Variants in BCL7C observed in about 807,000 individuals in gnomAD.
BCL7C encodes BAF chromatin remodeling complex subunit BCL7C.
In BCL7C, 8 loss-of-function variants were observed where a neutral mutation model predicts 26.2. The observed-to-expected ratio is 0.30, with a 90% CI of 0.18 to 0.55. The LOEUF (loss-of-function observed/expected upper bound fraction) is 0.55, where lower values mean the gene tolerates loss of function less well. Among genes scored for constraint, BCL7C ranks in the 20% least tolerant of loss-of-function variants. BCL7C has a pLI of 0.93. For missense variants in BCL7C, 262 were observed against 298.5 expected (o/e 0.88, Z 0.90); for synonymous variants, 90 against 116.5 (o/e 0.77, Z 1.47).
At chr16:30,876,574 G>C (rs927683381) in intron 5 of BCL7C, among the ~76,000 whole-genome samples, 1 of 152,166 alleles carries the variant, frequency 6.6e-6, no homozygotes, top group Non-Finnish European at 1.5e-5. Flanking sequence ...CCTTATTCTA[G>C]CAGGGGAAGT....
At chr16:30,870,599 C>T (rs1385832665) in intron 5 of BCL7C, among the ~76,000 whole-genome samples, 1 of 152,086 alleles carries the variant, frequency 6.6e-6, no homozygotes. Flanking sequence ...CGCTTGAGCC[C>T]AGGAGTTGGA....
At position 30,850,708 on chromosome 16, in the gene BCL7C, C is replaced by T. The variant is rs151044157; in HGVS notation, c.529-15560G>A. Among the ~76,000 whole-genome samples the T allele has an allele frequency of 1.2e-3, 188 of 152,228 alleles. 1 individual carries two copies. Among genetic ancestry groups the T allele is most frequent in the Middle Eastern group, 6.8e-3 (2 of 294 alleles). On this transcript the variant is annotated intron_variant, in intron 5 of 5. Coordinates refer to the BCL7C transcript ENST00000380317. ...AATGATATGCCACACTGGTATACCA[C>T]GGTATGCCATGGTAAGTACCAGGGC...
At chr16:30,842,628 G>A (rs1310219289) in intron 5 of BCL7C, among the ~76,000 whole-genome samples, 1 of 152,168 alleles carries the variant, frequency 6.6e-6, no homozygotes, top group African/African-American at 2.4e-5. Flanking sequence ...GAGTGCAGTG[G>A]TGCGATCTCA....
chr16:30,850,413 T>C (rs1407999190), intron 5 of BCL7C, among the ~76,000 whole-genome samples: 1 of 152,114 alleles, frequency 6.6e-6, no homozygotes, highest in Admixed American at 6.6e-5. Context: ...TGCTTAACAA[T>C]GGGGATACAT....
intron 5 of BCL7C, among the ~76,000 whole-genome samples, chr16:30,853,426 C>T (rs941359445): frequency 2.0e-5 from 3 of 152,172 alleles, no homozygotes; most frequent in African/African-American, 4.8e-5. Context: ...ATGGAGCTGT[C>T]ATCTCCTATG....
intron 5 of BCL7C, chr16:30,888,615 G>A (rs556229572): frequency 1.0e-3 from 334 of 335,206 alleles, no homozygotes; most frequent in Non-Finnish European, 1.6e-3. Context: ...GATTACAGGC[G>A]TGAGCCACCA....
At chr16:30,885,253 T>C (rs138261473), downstream of BCL7C, among the ~76,000 whole-genome samples, 62 of 152,130 alleles carry the variant, frequency 4.1e-4, no homozygotes, top group African/African-American at 1.4e-3. Flanking sequence ...TGGAGAGAGA[T>C]TGGAAGATGC....
chr16:30,842,640 C>T (rs2151360037), intron 5 of BCL7C, among the ~76,000 whole-genome samples: 1 of 152,354 alleles, frequency 6.6e-6, no homozygotes, highest in African/African-American at 2.4e-5. Flanking sequence ...GCGATCTCAG[C>T]TCACTGCAAC....
intron 5 of BCL7C, among the ~76,000 whole-genome samples, chr16:30,840,138 CCT>C (rs1377631606): frequency 1.3e-5 from 2 of 151,734 alleles, no homozygotes; most frequent in African/African-American, 4.9e-5. Flanking sequence ...TCTGTTTCTT[CCT>C]CTGTTTTTCC....
At position 30,892,591 on chromosome 16, in the gene BCL7C, T is replaced by C. The variant is rs780924876; in HGVS notation, c.437A>G (p.Glu146Gly). 6.4e-7 allele frequency: 1 copy of C among 1,562,082 alleles called. No homozygotes were observed. The highest frequency in any genetic ancestry group is 1.2e-5 in the South Asian group (1 of 81,586). The change falls in exon 4 of 6, where the codon GAG (glutamate) becomes GGG (glycine). Residue 146 changes from glutamate (E) to glycine (G), a missense_variant. Transcript: ENST00000215115. ...EEAQPPRLGQ[E>G]RDPGGITAGS... Reference sequence around the variant, plus strand: ...TGGGAGGTACCTGGTCCTACCTCTCTCTTGGCCCAGCCGTGGGGGCTGAGC... The same window carrying C: ...TGGGAGGTACCTGGTCCTACCTCTCCCTTGGCCCAGCCGTGGGGGCTGAGC...
At chr16:30,879,164 C>T (rs1013714167) in intron 5 of BCL7C, among the ~76,000 whole-genome samples, 1 of 152,154 alleles carries the variant, frequency 6.6e-6, no homozygotes, top group African/African-American at 2.4e-5. Context: ...GGACATGGAA[C>T]CTGCAGTGCT....
Position 30,894,033 on chromosome 16 carries a change from G to A in BCL7C, c.-89C>T, listed in dbSNP as rs2055306757. 3 of 464,626 alleles carry A rather than the reference G, an allele frequency of 6.5e-6. No individual in the cohort carries two copies. The highest frequency in any genetic ancestry group is 5.8e-5 in the Admixed American group (1 of 17,156). The allele number at this position is 464,626 out of a possible 1,614,324, so 28.8% of individuals were successfully genotyped here. On this transcript the variant is annotated 5_prime_UTR_variant, in exon 1 of 6. Transcript: ENST00000215115. ...GCTCCGCGCCAGGCCCGGGCGCCGC[G>A]CTCTCGGCCTGCCGTCCCCCCTGGA...
chr16:30,846,235 T>G (rs1174156897), intron 5 of BCL7C, among the ~76,000 whole-genome samples: 1 of 150,086 alleles, frequency 6.7e-6, no homozygotes, highest in Non-Finnish European at 1.5e-5. Flanking sequence ...TTTATTTATT[T>G]ATTTTTTGGA....
Position 30,893,705 on chromosome 16 carries a change from C to T in BCL7C, c.92+148G>A, listed in dbSNP as rs2055296392. On this transcript the variant is annotated intron_variant, in intron 1 of 5. Coordinates refer to ENST00000215115, the MANE Select transcript of BCL7C (RefSeq NM_004765.4). The surrounding 1 kb of genome is among the most constrained non-coding windows in gnomAD (Gnocchi z 5.2). ...AGACCCCCAGGAGTAGCCAGGCGAA[C>T]GGGGACAGAGCCCTGTGGATCCAGG... 1.5e-6 allele frequency: 1 copy of T among 675,790 alleles called. No homozygotes were observed. Among genetic ancestry groups the T allele is most frequent in the Non-Finnish European group, 2.5e-6 (1 of 392,660 alleles). 41.9% of individuals were successfully genotyped at this position (675,790 alleles called of 1,614,324 possible).
Position 30,893,895 on chromosome 16 carries a change from T to A in BCL7C, c.50A>T (p.Asp17Val), listed in dbSNP as rs2055302101. 1.2e-6 allele frequency: 2 copies of A among 1,601,850 alleles called. No homozygotes were observed. Among genetic ancestry groups the A allele is most frequent in the Non-Finnish European group, 1.7e-6 (2 of 1,178,992 alleles). Residue 17 changes from aspartate to valine, a missense_variant, in exon 1 of 6, where the codon GAC becomes GTC. Transcript: ENST00000215115. The surrounding 1 kb of genome is among the most constrained non-coding windows in gnomAD (Gnocchi z 5.2). ...RAETRSRAKD[D>V]IKKVMATIEK... is the part of the protein sequence containing the mutation. ...GATGGTCGCCATCACCTTCTTGATG[T>A]CATCCTTGGCCCGGCTCCGGGTCTC...
At chr16:30,872,179 T>C (rs2054887657) in intron 5 of BCL7C, among the ~76,000 whole-genome samples, 1 of 152,052 alleles carries the variant, frequency 6.6e-6, no homozygotes. Flanking sequence ...ATGAAGATGA[T>C]GGCAAGAGGT....
intron 5 of BCL7C, chr16:30,875,819 TG>T (rs1390883013): frequency 6.6e-6 from 1 of 152,250 alleles, no homozygotes; most frequent in African/African-American, 2.4e-5. Flanking sequence ...GGCCATCCTC[TG>T]CACTTGGTTC....
rs542336021 is a variant in BCL7C, at chr16:30,850,103, A to G, written c.529-14955T>C. Among the ~76,000 whole-genome samples, 5 of 151,682 alleles carry G rather than the reference A, an allele frequency of 3.3e-5. No homozygotes were observed. The East Asian group carries it at 5.8e-4, about 18-fold the overall frequency. On this transcript the variant is annotated intron_variant, in intron 5 of 5. Transcript: ENST00000380317. ...CAGGCACCTGTAGTCCCAGCTACTC[A>G]GGAGGCTGAGGCAGAAGAATGGCGT...
At chr16:30,852,770 G>A (rs565725074) in intron 5 of BCL7C, among the ~76,000 whole-genome samples, 80 of 151,998 alleles carry the variant, frequency 5.3e-4, no homozygotes, top group African/African-American at 1.9e-3. Flanking sequence ...GAAATTACAT[G>A]CATGAGCCAC....
Sources: gnomAD v4.1 joint callset for allele counts (sites outside exome capture counted in the v4.1 genomes callset) on GRCh38, gnomAD v4.1.1 for gene constraint, Gnocchi (gnomAD v3.1) non-coding constraint, MANE v1.5 for transcripts, NCBI Gene and HGNC (gene_info 2026-07-23, HGNC 2026-07-21) for gene names.